The following ARHGEF12 variants were observed in gnomAD, a reference collection of about 807,000 sequenced individuals.
ARHGEF12 encodes KMT2A/ARHGEF12 fusion protein.
Under a neutral mutation model 211.2 loss-of-function variants are expected in ARHGEF12, and 66 were observed. That is an observed-to-expected ratio of 0.31 (90% CI 0.26 to 0.38). ARHGEF12 has a LOEUF of 0.38. Ranked by LOEUF, ARHGEF12 falls within the 10% of genes least tolerant of loss-of-function variation. The pLI is 1.00. For synonymous variants in ARHGEF12, 592 were observed against 638.4 expected (o/e 0.93, Z 1.09); for missense variants, 1,429 against 1,869.5 (o/e 0.76, Z 4.34).
intron 1 of ARHGEF12, among the ~76,000 whole-genome samples, chr11:120,393,920 G>A (rs1027484157): frequency 9.9e-5 from 15 of 151,886 alleles, no homozygotes; most frequent in Admixed American, 6.6e-4. Flanking sequence ...CACAATTCTG[G>A]GCTGTGAAGT....
At position 120,451,582 on chromosome 11, in the gene ARHGEF12, T is replaced by C; in HGVS notation, c.1914T>C (p.Pro638=). The change falls in exon 22 of 41, where the codon CCT becomes CCC. Residue 638 remains proline (P), a synonymous_variant. Coordinates refer to ENST00000397843, the MANE Select transcript of ARHGEF12 (RefSeq NM_015313.3). ...TATCCACACCCTCATCTGTGAGTCCTGAACCTCAGGACTCTGCCAAGTTGC... is the reference window on the plus strand; with the variant it reads ...TATCCACACCCTCATCTGTGAGTCCCGAACCTCAGGACTCTGCCAAGTTGC... ...KHLSTPSSVS[P]EPQDSAKLRQ... 6 of 1,614,174 alleles carry C rather than the reference T, an allele frequency of 3.7e-6. No homozygotes were observed. Among genetic ancestry groups the C allele is most frequent in the Non-Finnish European group, 5.1e-6 (6 of 1,180,030 alleles).
chr11:120,396,468 C>T (rs934678119), intron 1 of ARHGEF12, among the ~76,000 whole-genome samples: 4 of 152,188 alleles, frequency 2.6e-5, no homozygotes, highest in Non-Finnish European at 5.9e-5. Context: ...GTTAACATTA[C>T]TAGTGTTAAG....
At chr11:120,460,316 T>G (rs1481375857) in intron 26 of ARHGEF12, among the ~76,000 whole-genome samples, 6 of 152,230 alleles carry the variant, frequency 3.9e-5, no homozygotes, top group Non-Finnish European at 2.9e-5. Context: ...CCTGCACACT[T>G]AACACATTTT....
intron 1 of ARHGEF12, among the ~76,000 whole-genome samples, chr11:120,366,831 A>G (rs12797210): frequency 0.013 from 2,023 of 152,264 alleles, 22 homozygotes; most frequent in Middle Eastern, 0.02. Context: ...CCTGGCTAAC[A>G]TGGCGAAACC....
intron 1 of ARHGEF12, among the ~76,000 whole-genome samples, chr11:120,350,654 T>G (rs993919737): frequency 6.6e-6 from 1 of 152,362 alleles, no homozygotes; most frequent in East Asian, 1.9e-4. Flanking sequence ...GTTTTCCTTT[T>G]TATTTTATTT....
chr11:120,400,600 G>T (rs747131807), intron 1 of ARHGEF12, among the ~76,000 whole-genome samples: 2 of 152,170 alleles, frequency 1.3e-5, no homozygotes, highest in Non-Finnish European at 2.9e-5. Flanking sequence ...ATTCACAAAA[G>T]TGATAATTTT....
intron 22 of ARHGEF12, among the ~76,000 whole-genome samples, chr11:120,455,666 G>A (rs950615074): frequency 6.6e-6 from 1 of 152,168 alleles, no homozygotes; most frequent in Non-Finnish European, 1.5e-5. Context: ...CCAGGAAAGT[G>A]GCAAAGGGCA....
chr11:120,338,233 G>A (rs1449454398), intron 1 of ARHGEF12, among the ~76,000 whole-genome samples: 1 of 152,138 alleles, frequency 6.6e-6, no homozygotes, highest in Non-Finnish European at 1.5e-5. Flanking sequence ...TTATTACACC[G>A]TGAAAAAATA....
At chr11:120,459,383 T>C (rs1352533039) in intron 26 of ARHGEF12, 63 bp downstream of exon 26, 1 of 1,522,974 alleles carries the variant, frequency 6.6e-7, no homozygotes, top group African/African-American at 1.4e-5. Flanking sequence ...ATTGTGAGTT[T>C]AAAATTTTGT....
intron 26 of ARHGEF12, 162 bp downstream of exon 26, chr11:120,459,482 C>T (rs1313426007): frequency 2.6e-5 from 20 of 772,616 alleles, no homozygotes; most frequent in Middle Eastern, 3.9e-4. Flanking sequence ...GATCCTTTTC[C>T]TCACAATCAA....
chr11:120,440,695 G>C (rs1471096264), intron 13 of ARHGEF12, among the ~76,000 whole-genome samples: 1 of 151,808 alleles, frequency 6.6e-6, no homozygotes, highest in South Asian at 2.1e-4. Flanking sequence ...TTTATTTCTT[G>C]TTCTTGCCTT....
In ARHGEF12 at chr11:120,431,760, ATC is replaced by A. The variant is rs764316302; in HGVS notation, c.784-9_784-8del. ...GTTTGTGTGCGCGTGTTTTTCTTTC[ATC>A]TGTTTTAGGATGGAGCTGTAGTTAC... is the stretch of plus-strand genomic sequence containing the variant. On this transcript the variant is annotated splice_polypyrimidine_tract_variant and intron_variant, in intron 10 of 40. Coordinates refer to ENST00000397843, the MANE Select transcript of ARHGEF12 (RefSeq NM_015313.3). The A allele has an allele frequency of 2.6e-6, 4 of 1,559,574 alleles. No individual in the cohort carries two copies. In the South Asian group the frequency reaches 4.8e-5, roughly 19 times the overall value.
intron 17 of ARHGEF12, 75 bp from the exon 18 acceptor site, chr11:120,446,873 G>C (rs1284337576): frequency 3.3e-5 from 51 of 1,524,266 alleles, no homozygotes; most frequent in South Asian, 1.3e-5. Context: ...TAGCTGTGAA[G>C]ACTGTGATGA....
At chr11:120,392,919 G>A (rs547642743) in intron 1 of ARHGEF12, among the ~76,000 whole-genome samples, 1 of 152,316 alleles carries the variant, frequency 6.6e-6, no homozygotes, top group African/African-American at 2.4e-5. Context: ...GGCCAAAAAG[G>A]CCCATCACTG....
intron 1 of ARHGEF12, among the ~76,000 whole-genome samples, chr11:120,382,830 G>A (rs1008741424): frequency 3.3e-5 from 5 of 152,156 alleles, no homozygotes; most frequent in African/African-American, 1.2e-4. Context: ...GGAATAAGGG[G>A]TGGCTTCCAT....
chr11:120,357,744 AT>A (rs1019259452), intron 1 of ARHGEF12, among the ~76,000 whole-genome samples: 4 of 152,064 alleles, frequency 2.6e-5, no homozygotes, highest in African/African-American at 7.2e-5. Context: ...TAATTTCTGT[AT>A]TTTTAGTAGA....
chr11:120,445,887 A>G (rs938248755), intron 16 of ARHGEF12, among the ~76,000 whole-genome samples: 1 of 150,696 alleles, frequency 6.6e-6, no homozygotes, highest in African/African-American at 2.5e-5. Context: ...TGATAAGAGC[A>G]AAACTCTGTC....
Position 120,481,495 on chromosome 11 carries a change from G to C in ARHGEF12, c.4473G>C (p.Gln1491His). 1 of 1,614,194 alleles carries C rather than the reference G, an allele frequency of 6.2e-7. No homozygotes were observed. The highest frequency in any genetic ancestry group is 8.5e-7 in the Non-Finnish European group (1 of 1,180,044). Residue 1491 changes from glutamine to histidine, a missense_variant, in exon 39 of 41, where the codon CAG becomes CAC. Coordinates refer to ENST00000397843, the MANE Select transcript of ARHGEF12 (RefSeq NM_015313.3). ...GAMEYSCFEI[Q>H]SPSSCADSQS... The stretch of plus-strand genomic sequence containing the variant: ...TGGAGTATTCCTGTTTTGAGATCCA[G>C]AGTCCCTCCTCTTGTGCAGATTCAC...
intron 5 of ARHGEF12, 95 bp downstream of exon 5, chr11:120,420,946 T>G: frequency 9.4e-7 from 1 of 1,060,136 alleles, no homozygotes; most frequent in Admixed American, 2.0e-5. Context: ...AATAATTACA[T>G]AGATTGCAGG....
Sources: allele counts gnomAD v4.1 joint callset (sites outside exome capture counted in the v4.1 genomes callset), GRCh38; gene constraint gnomAD v4.1.1; transcripts MANE v1.5; gene names NCBI Gene and HGNC (gene_info 2026-07-23, HGNC 2026-07-21).